The following C1orf50 variants were observed in gnomAD, a reference collection of about 807,000 sequenced individuals.
C1orf50 encodes uncharacterized protein C1orf50.
C1orf50 carries 22 observed loss-of-function variants against 23.3 expected under a neutral mutation model. The observed-to-expected ratio is 0.94, with a 90% CI of 0.67 to 1.35. The LOEUF is 1.35. Among genes scored for constraint, C1orf50 ranks in the 40% most tolerant of loss-of-function variants. The pLI, the probability that C1orf50 is intolerant of heterozygous loss-of-function variation, is 0.00. For missense variants in C1orf50, 271 were observed against 249.4 expected (o/e 1.09, Z -0.58); for synonymous variants, 96 against 102.4 (o/e 0.94, Z 0.38).
At chr1:42,774,958 A>G (rs1368727442) in intron 4 of C1orf50, 90 bp downstream of exon 4, 5 of 1,463,692 alleles carry the variant, frequency 3.4e-6, no homozygotes, top group East Asian at 2.3e-5. Flanking sequence ...GTGGATTGGT[A>G]TATGGTTTCT....
At chr1:42,773,724 G>A (rs2760075) in intron 3 of C1orf50, 75 bp downstream of exon 3, 612,416 of 957,838 alleles carry the variant, frequency 0.64, 198,817 homozygotes, top group South Asian at 0.82. Context: ...GTTTATAATC[G>A]TTGTGACTTT....
At chr1:42,768,627 T>C (rs1427942678) in intron 2 of C1orf50, among the ~76,000 whole-genome samples, 1 of 152,236 alleles carries the variant, frequency 6.6e-6, no homozygotes, top group Non-Finnish European at 1.5e-5. Flanking sequence ...AACTTGGCTT[T>C]CTTCTTTTTG....
intron 2 of C1orf50, among the ~76,000 whole-genome samples, chr1:42,772,424 T>A (rs891210029): frequency 1.3e-5 from 2 of 152,216 alleles, no homozygotes; most frequent in Admixed American, 1.3e-4. Context: ...TGAGTGGTAA[T>A]CCTTCCCAGC....
rs190948783 is a variant in C1orf50 at position 42,774,701 on chromosome 1, C to T, written c.283-36C>T. Reference sequence around the variant, plus strand: ...CACCAAATGTGGGTGCCTGTTATCTCCAATACCTAATTTGTTACATATCTG... The same window carrying T: ...CACCAAATGTGGGTGCCTGTTATCTTCAATACCTAATTTGTTACATATCTG... On this transcript the variant is annotated intron_variant, in intron 3 of 4. Coordinates refer to ENST00000372525, the MANE Select transcript of C1orf50 (RefSeq NM_024097.4). The T allele has an allele frequency of 3.8e-6, 6 of 1,580,090 alleles. No homozygotes were observed. In the African/African-American group the frequency reaches 8.1e-5, roughly 21 times the overall value.
chr1:42,770,801 C>A (rs1653200258), intron 2 of C1orf50, among the ~76,000 whole-genome samples: 1 of 152,164 alleles, frequency 6.6e-6, no homozygotes, highest in Admixed American at 6.6e-5. Flanking sequence ...GGTCTCTGCT[C>A]TCTTTTTAAA....
rs1299976411 is a variant in C1orf50, at chr1:42,777,710, T to G, written c.*2316T>G. ...AGACATCATTGAATCATTGAACAGA[T>G]CCTAGAATCTATCTGCCACAGTGCT... On this transcript the variant is annotated 3_prime_UTR_variant, in exon 5 of 5. Transcript: ENST00000372525. 6.6e-6 allele frequency: 1 copy of G among 152,074 alleles called. No individual in the cohort carries two copies. The highest frequency in any genetic ancestry group is 2.4e-5 in the African/African-American group (1 of 41,408). The allele number at this position is 152,074 out of a possible 1,614,324, so 9.4% of individuals were successfully genotyped here. A position where few individuals can be genotyped will look rare whatever the true frequency, so the allele number is the denominator to read the frequency against.
At position 42,777,700 on chromosome 1, in the gene C1orf50, A is replaced by T. The variant is rs1484719604; in HGVS notation, c.*2306A>T. On this transcript the variant is annotated 3_prime_UTR_variant, in exon 5 of 5. Transcript: ENST00000372525. Reference sequence around the variant, plus strand: ...ACCAGAAGGCAGACATCATTGAATCATTGAACAGATCCTAGAATCTATCTG... The same window carrying T: ...ACCAGAAGGCAGACATCATTGAATCTTTGAACAGATCCTAGAATCTATCTG... The T allele has an allele frequency of 6.6e-6, 1 of 152,220 alleles. No homozygotes were observed. The highest frequency in any genetic ancestry group is 2.4e-5 in the African/African-American group (1 of 41,456). The allele number at this position is 152,220 out of a possible 1,614,324, so 9.4% of individuals were successfully genotyped here.
Position 42,775,298 on chromosome 1 carries a change from G to A in C1orf50, c.504G>A (p.Lys168=), listed in dbSNP as rs1490286391. ...LSWTPYEDIE[K]QDAKISMMDT... ...GGACTCCGTATGAGGACATTGAGAA[G>A]CAAGATGCTAAAATCAGCATGATGG... The change falls in exon 5 of 5, where the codon AAG becomes AAA. Residue 168 remains lysine, a synonymous_variant. Coordinates refer to ENST00000372525, the MANE Select transcript of C1orf50 (RefSeq NM_024097.4). 2 of 1,613,388 alleles carry A rather than the reference G, an allele frequency of 1.2e-6. No homozygotes were observed. Among genetic ancestry groups the A allele is most frequent in the Admixed American group, 1.7e-5 (1 of 60,010 alleles).
intron 2 of C1orf50, among the ~76,000 whole-genome samples, chr1:42,769,241 C>G (rs1182885655): frequency 6.6e-6 from 1 of 150,554 alleles, no homozygotes; most frequent in African/African-American, 2.4e-5. Flanking sequence ...GAGTGAGACT[C>G]TTAAAAAAAA....
intron 2 of C1orf50, 56 bp downstream of exon 2, chr1:42,767,680 C>T: frequency 6.8e-7 from 1 of 1,472,780 alleles, no homozygotes; most frequent in Non-Finnish European, 9.3e-7. Context: ...TTGTACTCTG[C>T]GTCTTTCGGC....
chr1:42,774,530 T>G (rs1234086081), intron 3 of C1orf50, among the ~76,000 whole-genome samples: 1 of 152,238 alleles, frequency 6.6e-6, no homozygotes, highest in Non-Finnish European at 1.5e-5. Context: ...GCTTGAAATA[T>G]AATTTTTCTA....
At chr1:42,773,227 C>T (rs1653260718) in intron 2 of C1orf50, 1 of 183,516 alleles carries the variant, frequency 5.4e-6, no homozygotes, top group Non-Finnish European at 1.1e-5. Context: ...AGGATATATT[C>T]AGTATATTTG....
chr1:42,770,874 A>T (rs1017077689), intron 2 of C1orf50, among the ~76,000 whole-genome samples: 16 of 152,172 alleles, frequency 1.1e-4, no homozygotes, highest in Admixed American at 9.2e-4. Context: ...AAATGCCTGC[A>T]AACTTTTTTT....
intron 4 of C1orf50, 109 bp from the exon 5 acceptor site, chr1:42,775,100 G>C: frequency 9.1e-7 from 1 of 1,101,658 alleles, no homozygotes; most frequent in South Asian, 1.6e-5. Context: ...AGGTTGTTCT[G>C]ACTAGTATGA....
At position 42,775,601 on chromosome 1, in the gene C1orf50, T is replaced by C; in HGVS notation, c.*207T>C. Reference sequence around the variant, plus strand: ...AGTCACTGTCTTTCGGGATCCTCTTTGGACCACAGATACCCAAGTCAGTCA... The same window carrying C: ...AGTCACTGTCTTTCGGGATCCTCTTCGGACCACAGATACCCAAGTCAGTCA... On this transcript the variant is annotated 3_prime_UTR_variant, in exon 5 of 5. Transcript: ENST00000372525. 2.2e-6 allele frequency: 1 copy of C among 458,742 alleles called. No homozygotes were observed. Among genetic ancestry groups the C allele is most frequent in the Non-Finnish European group, 3.9e-6 (1 of 257,888 alleles). The allele number at this position is 458,742 out of a possible 1,614,324, so 28.4% of individuals were successfully genotyped here. A position where few individuals can be genotyped will look rare whatever the true frequency, so the allele number is the denominator to read the frequency against.
At chr1:42,767,746 C>T in intron 2 of C1orf50, 122 bp downstream of exon 2, 1 of 875,482 alleles carries the variant, frequency 1.1e-6, no homozygotes, top group Non-Finnish European at 1.8e-6. Flanking sequence ...CTCCATTTTA[C>T]AGACGAGTAA....
At position 42,767,629 on chromosome 1, in the gene C1orf50, G is replaced by A; in HGVS notation, c.195+5G>A. The A allele has an allele frequency of 6.2e-7, 1 of 1,607,676 alleles. No individual in the cohort carries two copies. Among genetic ancestry groups the A allele is most frequent in the Non-Finnish European group, 8.5e-7 (1 of 1,177,252 alleles). ...CTCGCAGAGCAGGTGCAGAAGGTGAGGAGGCGCGGCCGGGGCAGCGAATAA... is the reference window on the plus strand; with the variant it reads ...CTCGCAGAGCAGGTGCAGAAGGTGAAGAGGCGCGGCCGGGGCAGCGAATAA... On this transcript the variant is annotated splice_donor_5th_base_variant and intron_variant, in intron 2 of 4. Transcript: ENST00000372525.
chr1:42,768,546 GA>G lies in C1orf50; in HGVS notation c.195+925del, dbSNP rs202052300. Among the ~76,000 whole-genome samples the G allele has an allele frequency of 8.2e-3, 1,196 of 146,362 alleles. 13 individuals are homozygous for G. The highest frequency in any genetic ancestry group is 0.038 in the South Asian group (157 of 4,182). ...ATCTCTTTTTTTTTCAATGATCCTAGAAATCCTTCGAATCCTTTTTTTTTTA... is the reference window on the plus strand; with the variant it reads ...ATCTCTTTTTTTTTCAATGATCCTAGAATCCTTCGAATCCTTTTTTTTTTA... On this transcript the variant is annotated intron_variant, in intron 2 of 4. Transcript: ENST00000372525.
chr1:42,776,364 C>G lies in C1orf50; in HGVS notation c.*970C>G, dbSNP rs749300396. 30 of 152,136 alleles carry G rather than the reference C, an allele frequency of 2.0e-4. No individual in the cohort carries two copies. Among genetic ancestry groups the G allele is most frequent in the South Asian group, 4.1e-4 (2 of 4,834 alleles). 9.4% of individuals were successfully genotyped at this position (152,136 alleles called of 1,614,324 possible). The stretch of plus-strand genomic sequence containing the variant: ...CTGTAGTTCTTATTCTGACTAGGCT[C>G]TTGTAGGACTCTACCTTCTTTCCTA... On this transcript the variant is annotated 3_prime_UTR_variant, in exon 5 of 5. Coordinates refer to ENST00000372525, the MANE Select transcript of C1orf50 (RefSeq NM_024097.4).
Sources: allele counts gnomAD v4.1 joint callset (sites outside exome capture counted in the v4.1 genomes callset), GRCh38; gene constraint gnomAD v4.1.1; transcripts MANE v1.5; gene names NCBI Gene and HGNC (gene_info 2026-07-23, HGNC 2026-07-21).